SGCZ: variants seen among roughly 807,000 people sequenced by gnomAD.
SGCZ encodes the protein zeta-sarcoglycan.
Under a neutral mutation model 41.3 loss-of-function variants are expected in SGCZ, and 40 were observed. The ratio of observed to expected loss-of-function variants is 0.97; its 90% CI spans 0.75 to 1.26. The LOEUF is 1.26. Ranked by LOEUF, SGCZ falls within the 50% of genes most tolerant of loss-of-function variation. The pLI is 0.00. For missense variants in SGCZ, 552 were observed against 369.8 expected, an observed-to-expected ratio of 1.49 and a Z score of -4.04; for synonymous variants, 206 against 137.5, an observed-to-expected ratio of 1.50 and a Z score of -3.49.
At chr8:14,565,083 G>A (rs1804318886) in intron 1 of SGCZ, among the ~76,000 whole-genome samples, 1 of 152,210 alleles carries the variant, frequency 6.6e-6, no homozygotes, top group African/African-American at 2.4e-5. Flanking sequence ...TGCCTCTTGA[G>A]ACAGGAAATA....
chr8:14,980,529 G>T (rs975025600), intron 1 of SGCZ, among the ~76,000 whole-genome samples: 3 of 152,156 alleles, frequency 2.0e-5, no homozygotes, highest in Non-Finnish European at 2.9e-5. Flanking sequence ...AGGTTTAATT[G>T]GACTTATGGT....
chr8:14,522,126 T>C (rs1292345135), intron 2 of SGCZ, among the ~76,000 whole-genome samples: 1 of 152,106 alleles, frequency 6.6e-6, no homozygotes, highest in Non-Finnish European at 1.5e-5. Context: ...TAGTTGCTCA[T>C]GGTGCATAAT....
Position 14,169,427 on chromosome 8 carries a change from G to C in SGCZ, c.425-4725C>G, listed in dbSNP as rs143364323. 8.5e-4 allele frequency among the ~76,000 whole-genome samples: 130 copies of C among 152,136 alleles called. 1 individual carries two copies. The highest frequency in any genetic ancestry group is 3.0e-3 in the African/African-American group (125 of 41,498). On this transcript the variant is annotated intron_variant, in intron 4 of 7. Transcript: ENST00000382080. ...AGGCATTATCTCGTCAGTATTACCA[G>C]TAACTTCCAAGTCAGTAAATTAAGG...
intron 1 of SGCZ, among the ~76,000 whole-genome samples, chr8:14,693,735 C>A (rs1808874916): frequency 6.6e-6 from 1 of 151,614 alleles, no homozygotes; most frequent in East Asian, 1.9e-4. Flanking sequence ...GGACTACAGG[C>A]GCCTGCCACC....
chr8:14,242,847 A>T (rs1798941044), intron 3 of SGCZ, among the ~76,000 whole-genome samples: 1 of 152,138 alleles, frequency 6.6e-6, no homozygotes, highest in Non-Finnish European at 1.5e-5. Flanking sequence ...CTAATTCTAG[A>T]TTTTCTGAAA....
intron 3 of SGCZ, among the ~76,000 whole-genome samples, chr8:14,299,422 A>AT (rs1169622732): frequency 6.6e-6 from 1 of 152,040 alleles, no homozygotes; most frequent in East Asian, 1.9e-4. Context: ...CTGAGAAAGG[A>AT]TTTGTATCAA....
chr8:14,117,651 G>A (rs202109898), intron 5 of SGCZ, among the ~76,000 whole-genome samples: 27,764 of 151,112 alleles, frequency 0.18, 3,353 homozygotes, highest in East Asian at 0.64. Flanking sequence ...TTGTTACATA[G>A]GTATACGTGT....
At chr8:14,833,343 G>A (rs1411573185) in intron 1 of SGCZ, among the ~76,000 whole-genome samples, 4 of 152,062 alleles carry the variant, frequency 2.6e-5, no homozygotes, top group South Asian at 2.1e-4. Flanking sequence ...CCATCTAAGC[G>A]CACTGAAATT....
intron 1 of SGCZ, among the ~76,000 whole-genome samples, chr8:15,170,196 C>T (rs4831688): frequency 0.36 from 54,805 of 152,068 alleles, 12,180 homozygotes; most frequent in Non-Finnish European, 0.47. Context: ...CTCTGACACA[C>T]CTTGTCTGTG....
Position 15,057,611 on chromosome 8 carries a change from T to C in SGCZ, c.39+179974A>G, listed in dbSNP as rs148406791. ...AAAAATAGTAAAGGGATAATAGACG[T>C]AGGCACAGAGTAAAATGAAGACTAA... On this transcript the variant is annotated intron_variant, in intron 1 of 7. Coordinates refer to ENST00000382080, the MANE Select transcript of SGCZ (RefSeq NM_139167.4). Among the ~76,000 whole-genome samples, 52 of 152,284 alleles carry C rather than the reference T, an allele frequency of 3.4e-4. 1 individual carries two copies. The East Asian group carries it at 9.3e-3, about 27-fold the overall frequency.
intron 1 of SGCZ, among the ~76,000 whole-genome samples, chr8:14,569,543 TGG>T (rs1804485663): frequency 1.3e-5 from 2 of 152,198 alleles, no homozygotes; most frequent in African/African-American, 2.4e-5. Flanking sequence ...CTAGAAGCTA[TGG>T]ATAGAATAGT....
chr8:14,321,060 A>T (rs1801901313), intron 3 of SGCZ, among the ~76,000 whole-genome samples: 1 of 152,016 alleles, frequency 6.6e-6, no homozygotes. Context: ...CTAAAGTTGG[A>T]CCAAGTGCCT....
chr8:14,434,892 C>A (rs116693473), intron 2 of SGCZ, among the ~76,000 whole-genome samples: 167 of 152,154 alleles, frequency 1.1e-3, no homozygotes, highest in African/African-American at 4.0e-3. Context: ...GTGATCGTGC[C>A]ACTGCACTCA....
In SGCZ at chr8:15,237,611, T is replaced by C. The variant is rs778190144; in HGVS notation, c.13A>G (p.Thr5Ala). 5.1e-5 allele frequency: 81 copies of C among 1,588,954 alleles called. No individual in the cohort carries two copies. The highest frequency in any genetic ancestry group is 6.5e-5 in the Non-Finnish European group (76 of 1,165,816). MDRS[T>A]NLDIEELKMT... ...TTGAGCTCCTCAATGTCCAGGTTCG[T>C]TGATCTGTCCATGGAGCGCAACTAA... The change falls in exon 1 of 8, where the codon ACG becomes GCG. Residue 5 changes from threonine (T) to alanine (A), a missense_variant. Transcript: ENST00000382080.
rs114476758 is a variant in SGCZ, at chr8:14,085,035, C to T, written c.*5408G>A. Among the ~76,000 whole-genome samples the T allele has an allele frequency of 6.6e-6, 1 of 151,538 alleles. No individual in the cohort carries two copies. Among genetic ancestry groups the T allele is most frequent in the African/African-American group, 2.4e-5 (1 of 41,322 alleles). The stretch of plus-strand genomic sequence containing the variant: ...AAAACTTTGCTGCATTTTCTCTCCC[C>T]CAAAATATACCCCAATTAAGTTCCA... On this transcript the variant is annotated 3_prime_UTR_variant, in exon 8 of 8. Transcript: ENST00000382080.
At chr8:14,473,586 A>G (rs549642940) in intron 2 of SGCZ, among the ~76,000 whole-genome samples, 12 of 151,518 alleles carry the variant, frequency 7.9e-5, no homozygotes, top group African/African-American at 2.9e-4. Flanking sequence ...TAGTGAAAAC[A>G]TGTGGTGAAA....
intron 4 of SGCZ, among the ~76,000 whole-genome samples, chr8:14,218,901 A>G (rs1015422979): frequency 6.6e-6 from 1 of 152,190 alleles, no homozygotes; most frequent in African/African-American, 2.4e-5. Context: ...GTCTACGACC[A>G]CCAATTGAGT....
chr8:15,097,800 G>GTT (rs1336423609), intron 1 of SGCZ, among the ~76,000 whole-genome samples: 1 of 125,010 alleles, frequency 8.0e-6, no homozygotes, highest in South Asian at 2.4e-4. Flanking sequence ...ATATATACGT[G>GTT]TATATATATA....
chr8:14,226,309 G>A (rs1273029148), intron 4 of SGCZ, among the ~76,000 whole-genome samples: 1 of 152,020 alleles, frequency 6.6e-6, no homozygotes, highest in Non-Finnish European at 1.5e-5. Flanking sequence ...CATGCAGATT[G>A]CTGTGTAATC....
Sources: allele counts gnomAD v4.1 joint callset (sites outside exome capture counted in the v4.1 genomes callset), GRCh38; gene constraint gnomAD v4.1.1; transcripts MANE v1.5; gene names NCBI Gene and HGNC (gene_info 2026-07-23, HGNC 2026-07-21).